The following CFAP99 variants were observed in gnomAD, a reference collection of about 807,000 sequenced individuals.
CFAP99 encodes cilia- and flagella-associated protein 99.
A neutral mutation model predicts 82.7 loss-of-function variants in CFAP99; 84 were observed. The observed-to-expected ratio is 1.02, with a 90% CI of 0.85 to 1.22. CFAP99 has a LOEUF of 1.22. Ranked by LOEUF, CFAP99 falls within the 50% of genes most tolerant of loss-of-function variation. The pLI is 0.00. For missense variants in CFAP99, 1,059 were observed against 983.5 expected (o/e 1.08, Z -1.03); for synonymous variants, 456 against 429.5 (o/e 1.06, Z -0.76).
rs1251295729 is a variant in CFAP99 at position 2,458,643 on chromosome 4, C to G, written c.1162-80C>G. 7.5e-6 allele frequency: 11 copies of G among 1,464,026 alleles called. 1 individual carries two copies. Among genetic ancestry groups the G allele is most frequent in the Non-Finnish European group, 9.0e-6 (10 of 1,107,290 alleles). 90.7% of individuals were successfully genotyped at this position (1,464,026 alleles called of 1,614,324 possible). A position where few individuals can be genotyped will look rare whatever the true frequency, so the allele number is the denominator to read the frequency against. On this transcript the variant is annotated intron_variant, in intron 11 of 14. Coordinates refer to ENST00000635017, the Ensembl canonical transcript of CFAP99. ...ACTGGGTCCACCTTCAGACCTCATG[C>G]TGCGCCCTGGGCTGGGGCGGGACCA...
chr4:2,459,636 GC>G (rs1463057479), intron 13 of CFAP99, among the ~76,000 whole-genome samples: 1 of 152,228 alleles, frequency 6.6e-6, no homozygotes. Context: ...GTTGAGGAGG[GC>G]CTGCCGGAAG....
intron 1 of CFAP99, among the ~76,000 whole-genome samples, chr4:2,424,752 G>A (rs1440001305): frequency 3.3e-5 from 5 of 152,186 alleles, no homozygotes; most frequent in Admixed American, 2.0e-4. Flanking sequence ...TTCAGCCCCT[G>A]CTTCCCAGGG....
rs1386148875 is a variant in CFAP99 at position 2,426,544 on chromosome 4, CA to C, written c.71del (p.Asn24ThrfsTer16). 1.3e-6 allele frequency: 2 copies of C among 1,535,906 alleles called. No homozygotes were observed. Among genetic ancestry groups the C allele is most frequent in the African/African-American group, 2.7e-5 (2 of 73,046 alleles). ...TCGACAAATTTACACCCAAGAGGGACAACCCTGAGCAGTTCCTGGAGGCTGC... is the reference window on the plus strand; with the variant it reads ...TCGACAAATTTACACCCAAGAGGGACACCCTGAGCAGTTCCTGGAGGCTGC... On this transcript the variant is annotated frameshift_variant, in exon 2 of 15. Transcript: ENST00000635017. LOFTEE classifies it high-confidence loss of function.
intron 12 of CFAP99, 109 bp from the exon 13 acceptor site, chr4:2,458,998 C>T (rs944598489): frequency 6.9e-7 from 1 of 1,444,992 alleles, no homozygotes; most frequent in Non-Finnish European, 9.1e-7. Flanking sequence ...TCCCAGGTGG[C>T]CGCACTGAGG....
rs1426860975 is a variant in CFAP99, at chr4:2,451,128, A to C, written c.867+110A>C. On this transcript the variant is annotated intron_variant, in intron 9 of 14. Transcript: ENST00000635017. The stretch of plus-strand genomic sequence containing the variant: ...CCTGAGCTGGGGGACCTAGAGTCCC[A>C]AGGACGGCCCCACCCTGGGGGATAG... 3.4e-6 allele frequency: 5 copies of C among 1,452,590 alleles called. No individual in the cohort carries two copies. The African/African-American group carries it at 5.6e-5, about 16-fold the overall frequency. 90.0% of individuals were successfully genotyped at this position (1,452,590 alleles called of 1,614,324 possible).
chr4:2,433,111 A>G (rs906908196), intron 2 of CFAP99, among the ~76,000 whole-genome samples: 6 of 150,822 alleles, frequency 4.0e-5, no homozygotes. Flanking sequence ...GATGTCATTT[A>G]CTGGCTCCTC....
chr4:2,462,300 T>C lies in CFAP99; in HGVS notation c.1662-143T>C, dbSNP rs912312202. On this transcript the variant is annotated intron_variant, in intron 14 of 14. Transcript: ENST00000635017. This position sits in a 1 kb window ranked among gnomAD's most constrained non-coding sequence, Gnocchi z 4.1. ...AGGAGCGCGCCGCGGCCCCTGGGCC[T>C]CGCTGTCTGTCCTAAATCATTCCGG... 2.5e-6 allele frequency: 2 copies of C among 808,046 alleles called. No individual in the cohort carries two copies. Among genetic ancestry groups the C allele is most frequent in the South Asian group, 2.5e-5 (1 of 40,520 alleles). 50.1% of individuals were successfully genotyped at this position (808,046 alleles called of 1,614,324 possible).
chr4:2,433,695 A>T (rs1733846833), intron 2 of CFAP99, among the ~76,000 whole-genome samples: 1 of 152,204 alleles, frequency 6.6e-6, no homozygotes, highest in African/African-American at 2.4e-5. Flanking sequence ...CATCTAGCCA[A>T]GAAAGGGACA....
intron 1 of CFAP99, among the ~76,000 whole-genome samples, chr4:2,422,947 C>T (rs1560375168): frequency 6.6e-6 from 1 of 152,228 alleles, no homozygotes; most frequent in Non-Finnish European, 1.5e-5. Flanking sequence ...GCTAGGACTA[C>T]AGGCGTGCCA....
intron 4 of CFAP99, among the ~76,000 whole-genome samples, chr4:2,439,280 C>G (rs1733984603): frequency 6.6e-6 from 1 of 152,208 alleles, no homozygotes; most frequent in South Asian, 2.1e-4. Flanking sequence ...GGTAGCGCAG[C>G]CAATTCCCAG....
In CFAP99 at chr4:2,450,926, G is replaced by A. The variant is rs761282353; in HGVS notation, c.796-21G>A. On this transcript the variant is annotated intron_variant, in intron 8 of 14. Coordinates refer to ENST00000635017, the Ensembl canonical transcript of CFAP99. ...AGCAGGCACAGGTGCCAGGCGGCCA[G>A]CTCTGCCCTGACTCCTGCAGGGCTC... 9 of 1,535,270 alleles carry A rather than the reference G, an allele frequency of 5.9e-6. No individual in the cohort carries two copies. In the South Asian group the frequency reaches 1.1e-4, roughly 18 times the overall value.
At chr4:2,459,963 G>C (rs186508348) in intron 13 of CFAP99, 74 bp from the exon 14 acceptor site, 2 of 1,382,658 alleles carry the variant, frequency 1.4e-6, no homozygotes, top group African/African-American at 2.9e-5. Flanking sequence ...CTATGGAACA[G>C]GGGAGGGATC....
chr4:2,442,775 C>A (rs530880686), intron 4 of CFAP99, among the ~76,000 whole-genome samples: 1 of 152,224 alleles, frequency 6.6e-6, no homozygotes, highest in African/African-American at 2.4e-5. Flanking sequence ...GCTGCTCCTC[C>A]CAGCTGGAAG....
chr4:2,449,786 C>T, intron 7 of CFAP99, 36 bp downstream of exon 7: 1 of 1,534,326 alleles, frequency 6.5e-7, no homozygotes, highest in Non-Finnish European at 8.7e-7. Context: ...CCTAGAGACC[C>T]CATATGAGGG....
chr4:2,456,158 T>C (rs1201565393), intron 11 of CFAP99, among the ~76,000 whole-genome samples: 1 of 152,202 alleles, frequency 6.6e-6, no homozygotes, highest in Non-Finnish European at 1.5e-5. Context: ...CTGGGTGCTT[T>C]TCTGTTTTTT....
At position 2,448,058 on chromosome 4, in the gene CFAP99, T is replaced by C. The variant is rs1367163687; in HGVS notation, c.643-1612T>C. Among the ~76,000 whole-genome samples, 5 of 148,812 alleles carry C rather than the reference T, an allele frequency of 3.4e-5. No individual in the cohort carries two copies. Among genetic ancestry groups the C allele is most frequent in the Non-Finnish European group, 5.9e-5 (4 of 67,380 alleles). ...ATGGATGGATGATCAGAGGGATGGATAGATGGATAGACAAATGGATGGATG... is the reference window on the plus strand; with the variant it reads ...ATGGATGGATGATCAGAGGGATGGACAGATGGATAGACAAATGGATGGATG... On this transcript the variant is annotated intron_variant, in intron 6 of 14. Transcript: ENST00000635017. This position sits in a 1 kb window ranked among gnomAD's most constrained non-coding sequence, Gnocchi z 5.2.
At chr4:2,428,451 A>G (rs1429313238) in intron 2 of CFAP99, 6 of 152,108 alleles carry the variant, frequency 3.9e-5, no homozygotes, top group Non-Finnish European at 2.9e-5. Flanking sequence ...CCTTCTATCT[A>G]ACAGATTCCT....
At chr4:2,422,239 C>A (rs1313067696) in intron 1 of CFAP99, among the ~76,000 whole-genome samples, 1 of 152,236 alleles carries the variant, frequency 6.6e-6, no homozygotes, top group Admixed American at 6.5e-5. Context: ...CCTTCACATA[C>A]ACCTGCTCTG....
intron 1 of CFAP99, among the ~76,000 whole-genome samples, chr4:2,423,006 C>T (rs1733614334): frequency 6.6e-6 from 1 of 152,196 alleles, no homozygotes; most frequent in African/African-American, 2.4e-5. Context: ...TCCCCAGTTA[C>T]GCTGTGGAGT....
Sources: gnomAD v4.1 joint callset for allele counts (sites outside exome capture counted in the v4.1 genomes callset) on GRCh38, gnomAD v4.1.1 for gene constraint, Gnocchi (gnomAD v3.1) non-coding constraint, MANE v1.5 for transcripts, NCBI Gene and HGNC (gene_info 2026-07-23, HGNC 2026-07-21) for gene names.